Variants in COL4A4 observed in about 807,000 individuals in gnomAD.
COL4A4 encodes collagen type IV alpha 4 chain, also known as collagen alpha-4(IV) chain.
COL4A4 carries 105 observed loss-of-function variants against 192.9 expected under a neutral mutation model. That is an observed-to-expected ratio of 0.54 (90% confidence interval 0.46 to 0.64). The LOEUF is 0.64. COL4A4 is among the 30% of genes least tolerant of loss of function. The pLI, the probability that COL4A4 is intolerant of heterozygous loss-of-function variation, is 0.00. For missense variants in COL4A4, 1,967 were observed against 2,169.3 expected (o/e 0.91, Z 1.85); for synonymous variants, 762 against 769.9 (o/e 0.99, Z 0.17).
intron 19 of COL4A4, among the ~76,000 whole-genome samples, chr2:227,096,063 A>T (rs2060193791): frequency 6.6e-6 from 1 of 152,108 alleles, no homozygotes; most frequent in Non-Finnish European, 1.5e-5. Flanking sequence ...CTCTTGTTGA[A>T]CTTTGACATT....
Position 227,082,337 on chromosome 2 carries a change from C to G in COL4A4, c.1624-150G>C, listed in dbSNP as rs10187611. 0.3 allele frequency: 221,297 copies of G among 729,548 alleles called. 36,619 individuals are homozygous for G. The highest frequency in any genetic ancestry group is 0.39 in the South Asian group (24,653 of 63,872). 45.2% of individuals were successfully genotyped at this position (729,548 alleles called of 1,614,324 possible). A position where few individuals can be genotyped will look rare whatever the true frequency, so the allele number is the denominator to read the frequency against. ...TTGGTCTCTTCCACTTCCCTGCCTT[C>G]CAAGGTAGTCCTGTCTTGCAAAGCT... On this transcript the variant is annotated intron_variant, in intron 22 of 47. Coordinates refer to ENST00000396625, the MANE Select transcript of COL4A4 (RefSeq NM_000092.5).
chr2:227,012,688 TTAA>T (rs1184827696), intron 44 of COL4A4, among the ~76,000 whole-genome samples: 1 of 152,024 alleles, frequency 6.6e-6, no homozygotes, highest in Non-Finnish European at 1.5e-5. Context: ...AATATTTTCC[TTAA>T]TAATGATTGT....
At position 227,029,088 on chromosome 2, in the gene COL4A4, T is replaced by C. The variant is rs994904941; in HGVS notation, c.3974-1079A>G. Among the ~76,000 whole-genome samples, 47 of 152,242 alleles carry C rather than the reference T, an allele frequency of 3.1e-4. 1 individual carries two copies. The highest frequency in any genetic ancestry group is 3.4e-4 in the Non-Finnish European group (23 of 68,030). ...TAACTGAGGAAACTCACTCTCTTTA[T>C]AGTGAAGCACTGTTTGGCCTTTATA... On this transcript the variant is annotated intron_variant, in intron 41 of 47. Transcript: ENST00000396625.
chr2:227,091,080 C>A (rs2059894169), intron 20 of COL4A4, among the ~76,000 whole-genome samples: 1 of 151,786 alleles, frequency 6.6e-6, no homozygotes, highest in African/African-American at 2.4e-5. Flanking sequence ...AGAAAATAGA[C>A]CCCCTACTAT....
At position 227,082,814 on chromosome 2, in the gene COL4A4, T is replaced by C. The variant is rs560790035; in HGVS notation, c.1624-627A>G. Among the ~76,000 whole-genome samples the C allele has an allele frequency of 5.9e-5, 9 of 152,332 alleles. No individual in the cohort carries two copies. The South Asian group carries it at 1.9e-3, about 32-fold the overall frequency. Reference sequence around the variant, plus strand: ...TAATATATTTATTCTGTATAACAGGTAAATAGCTAATTTTGGCTGACATGC... The same window carrying C: ...TAATATATTTATTCTGTATAACAGGCAAATAGCTAATTTTGGCTGACATGC... On this transcript the variant is annotated intron_variant, in intron 22 of 47. Coordinates refer to ENST00000396625, the MANE Select transcript of COL4A4 (RefSeq NM_000092.5).
chr2:227,014,249 C>G (rs1227897745), intron 44 of COL4A4, among the ~76,000 whole-genome samples: 1 of 152,202 alleles, frequency 6.6e-6, no homozygotes, highest in African/African-American at 2.4e-5. Flanking sequence ...CAATGACATT[C>G]TGGAACACTG....
intron 44 of COL4A4, among the ~76,000 whole-genome samples, chr2:227,017,755 G>A (rs1306148074): frequency 6.6e-6 from 1 of 152,040 alleles, no homozygotes; most frequent in Non-Finnish European, 1.5e-5. Context: ...GTAGCACATG[G>A]TTACAAAATC....
In COL4A4 at chr2:227,123,178, T is replaced by A. The variant is rs2061897332; in HGVS notation, c.193-2030A>T. Among the ~76,000 whole-genome samples the A allele has an allele frequency of 1.3e-5, 2 of 152,172 alleles. No homozygotes were observed. The highest frequency in any genetic ancestry group is 2.9e-5 in the Non-Finnish European group (2 of 68,038). Reference sequence around the variant, plus strand: ...ACCATGCCCAGGTGGGATGTCACTTTAGATAGTGCTGCTGGCCTTGGCCAG... The same window carrying A: ...ACCATGCCCAGGTGGGATGTCACTTAAGATAGTGCTGCTGGCCTTGGCCAG... On this transcript the variant is annotated intron_variant, in intron 4 of 47. Coordinates refer to ENST00000396625, the MANE Select transcript of COL4A4 (RefSeq NM_000092.5). The surrounding 1 kb of genome is among the most constrained non-coding windows in gnomAD (Gnocchi z 4.6).
chr2:227,146,649 T>C (rs2063568609), intron 2 of COL4A4, among the ~76,000 whole-genome samples: 1 of 152,178 alleles, frequency 6.6e-6, no homozygotes, highest in South Asian at 2.1e-4. Flanking sequence ...AACCAAGGTG[T>C]TGGCAGAGCT....
At chr2:226,967,447 A>G in the COL4A4 span, among the ~76,000 whole-genome samples, 1 of 151,932 alleles carries the variant, frequency 6.6e-6, no homozygotes, top group Non-Finnish European at 1.5e-5. Flanking sequence ...GGTTTGTTAC[A>G]TATGTATACA....
the COL4A4 span, among the ~76,000 whole-genome samples, chr2:226,982,902 A>C: frequency 6.6e-6 from 1 of 152,210 alleles, no homozygotes; most frequent in African/African-American, 2.4e-5. Flanking sequence ...ATAGAATTTT[A>C]ACTAACGATT....
intron 4 of COL4A4, among the ~76,000 whole-genome samples, chr2:227,137,292 T>C (rs1332680886): frequency 2.0e-5 from 3 of 152,158 alleles, no homozygotes; most frequent in Admixed American, 2.0e-4. Context: ...AACCCAGGCT[T>C]GGTCAGAGTC....
chr2:227,027,903 C>T lies in COL4A4; in HGVS notation c.4080G>A (p.Pro1360=), dbSNP rs2228556. ...GCTGTATGTAGGTTGGAAGCTCACC[C>T]GGAAGACCAGTGGGCCCTTTTCTCC... The part of the protein sequence containing the change: ...PPGRKGPTGL[P]GPRGEPGPPA... Residue 1360 remains proline, a splice_region_variant and synonymous_variant, in exon 42 of 48, where the codon CCG becomes CCA. Transcript: ENST00000396625. The T allele has an allele frequency of 0.44, 708,540 of 1,601,552 alleles. 159,533 individuals carry two copies. Among genetic ancestry groups the T allele is most frequent in the South Asian group, 0.55 (50,093 of 90,716 alleles).
At chr2:227,107,588 G>C (rs2060925219) in intron 12 of COL4A4, among the ~76,000 whole-genome samples, 1 of 152,102 alleles carries the variant, frequency 6.6e-6, no homozygotes, top group Non-Finnish European at 1.5e-5. Flanking sequence ...AACTCCATGA[G>C]AGCAGGGATC....
In COL4A4 at chr2:227,030,535, C is replaced by G; in HGVS notation, c.3881G>C (p.Cys1294Ser). Residue 1294 changes from cysteine (C) to serine (S), a missense_variant, in exon 41 of 48, where the codon TGT becomes TCT. By Grantham distance (112) the Cys-to-Ser change is moderately radical. Coordinates refer to ENST00000396625, the MANE Select transcript of COL4A4 (RefSeq NM_000092.5). ...GGGACCTGGTGGCCCTGGTAGACCA[C>G]AGTCACCTGGCTCCCCTCTCAGAAG... ...VDLLRGEPGD[C>S]GLPGPPGPPG... The G allele has an allele frequency of 6.2e-7, 1 of 1,614,084 alleles. No individual in the cohort carries two copies. The highest frequency in any genetic ancestry group is 1.1e-5 in the South Asian group (1 of 91,074).
chr2:227,160,676 C>T (rs1000865355), intron 1 of COL4A4, among the ~76,000 whole-genome samples: 1 of 152,170 alleles, frequency 6.6e-6, no homozygotes, highest in Non-Finnish European at 1.5e-5. Context: ...CCTGTCCTTG[C>T]TAGCATAATT....
At chr2:227,091,029 A>C (rs975821231) in intron 20 of COL4A4, among the ~76,000 whole-genome samples, 6 of 151,880 alleles carry the variant, frequency 4.0e-5, no homozygotes, top group Admixed American at 3.9e-4. Context: ...GTCTAAAAAA[A>C]CAGACCAAAA....
chr2:227,059,422 C>A lies in COL4A4; in HGVS notation c.2366G>T (p.Gly789Val). ...CCTCATACCTTCAGCCCCTGGACAT[C>A]CCGGATCACCTCTGGGTCCTTTTAT... Reference protein sequence around the residue: ...PGIKGPRGDPGCPGAEGPAGI... With the variant: ...PGIKGPRGDPVCPGAEGPAGI... The change falls in exon 28 of 48, where the codon GGA becomes GTA. Residue 789 changes from glycine to valine, a missense_variant. Gly to Val is a moderately radical substitution (Grantham distance 109, BLOSUM62 -3). Coordinates refer to ENST00000396625, the MANE Select transcript of COL4A4 (RefSeq NM_000092.5). 1.2e-6 allele frequency: 2 copies of A among 1,614,178 alleles called. No homozygotes were observed. Among genetic ancestry groups the A allele is most frequent in the Non-Finnish European group, 1.7e-6 (2 of 1,180,010 alleles).
chr2:227,129,527 G>A (rs11896430), intron 4 of COL4A4, among the ~76,000 whole-genome samples: 14,160 of 151,348 alleles, frequency 0.094, 1,171 homozygotes, highest in East Asian at 0.37. Context: ...TCCTGCCTCA[G>A]CCTCCCAAGT....
Sources: gnomAD v4.1 joint callset for allele counts (sites outside exome capture counted in the v4.1 genomes callset) on GRCh38, gnomAD v4.1.1 for gene constraint, Gnocchi (gnomAD v3.1) non-coding constraint, MANE v1.5 for transcripts, NCBI Gene and HGNC (gene_info 2026-07-23, HGNC 2026-07-21) for gene names.